The following GAB2 variants were observed in gnomAD, a reference collection of about 807,000 sequenced individuals.
The protein encoded by GAB2 is GRB2 associated binding protein 2, also known as GRB2-associated-binding protein 2.
Under a neutral mutation model 65.5 loss-of-function variants are expected in GAB2, and 26 were observed. The ratio of observed to expected loss-of-function variants is 0.40; its 90% CI spans 0.29 to 0.55. GAB2 has a LOEUF of 0.55. GAB2 is among the 20% of genes least tolerant of loss of function. The pLI is 0.53. For synonymous variants in GAB2, 321 were observed against 329.6 expected (o/e 0.97, Z 0.28); for missense variants, 884 against 875.8 (o/e 1.01, Z -0.12).
intron 1 of GAB2, among the ~76,000 whole-genome samples, chr11:78,308,546 A>AT (rs2134638600): frequency 6.6e-6 from 1 of 152,376 alleles, no homozygotes; most frequent in African/African-American, 2.4e-5. Flanking sequence ...TCAGATCAAG[A>AT]TTTTAAGAAA....
chr11:78,397,879 T>C (rs1030995743), intron 1 of GAB2, among the ~76,000 whole-genome samples: 4 of 152,204 alleles, frequency 2.6e-5, no homozygotes, highest in African/African-American at 7.2e-5. Context: ...CAATAAGTTA[T>C]AGTCTCTGTT....
chr11:78,367,818 T>C (rs888966163), intron 1 of GAB2, among the ~76,000 whole-genome samples: 8 of 147,466 alleles, frequency 5.4e-5, no homozygotes, highest in African/African-American at 2.0e-4. Context: ...TAATTTTCTT[T>C]TTCTTTTTTT....
chr11:78,340,948 G>C (rs140250124), intron 1 of GAB2, among the ~76,000 whole-genome samples: 1,812 of 152,252 alleles, frequency 0.012, 32 homozygotes, highest in Non-Finnish European at 0.013. Context: ...CTCATTTAAG[G>C]AACAGTAAAC....
At chr11:78,224,800 T>C (rs947870752) in intron 5 of GAB2, among the ~76,000 whole-genome samples, 9 of 152,060 alleles carry the variant, frequency 5.9e-5, no homozygotes, top group Admixed American at 3.3e-4. Context: ...GTGGGTAAGG[T>C]TGCTGTCTTA....
chr11:78,303,326 T>C (rs965119942), intron 1 of GAB2, among the ~76,000 whole-genome samples: 12 of 152,232 alleles, frequency 7.9e-5, no homozygotes. Context: ...GATATTTGTC[T>C]ATGACCCATG....
At chr11:78,390,015 G>C (rs1266584248) in intron 1 of GAB2, among the ~76,000 whole-genome samples, 1 of 152,170 alleles carries the variant, frequency 6.6e-6, no homozygotes. Context: ...AAATTCAGTA[G>C]TTCAGGACCA....
chr11:78,346,674 C>CATAT (rs71046967), intron 1 of GAB2, among the ~76,000 whole-genome samples: 46 of 54,864 alleles, frequency 8.4e-4, no homozygotes, highest in South Asian at 1.9e-3. Flanking sequence ...ACATCCCCTC[C>CATAT]ATATATATAT....
chr11:78,287,854 G>C (rs1052863041), intron 1 of GAB2, among the ~76,000 whole-genome samples: 13 of 149,726 alleles, frequency 8.7e-5, no homozygotes, highest in Non-Finnish European at 1.8e-4. Context: ...CACCACGTTG[G>C]CCAGGCTGGT....
chr11:78,226,458 T>A lies in GAB2; in HGVS notation c.1207+7A>T. The A allele has an allele frequency of 6.2e-7, 1 of 1,607,404 alleles. No individual in the cohort carries two copies. ...CCCTCTGAGTCTCAGCTAGGACTTA[T>A]ACTGACCTCGGTGAAGTCGGCTGTT... On this transcript the variant is annotated splice_region_variant and intron_variant, in intron 4 of 9. Coordinates refer to ENST00000361507, the MANE Select transcript of GAB2 (RefSeq NM_080491.3).
intron 1 of GAB2, among the ~76,000 whole-genome samples, chr11:78,356,857 G>A (rs1856365922): frequency 6.6e-6 from 1 of 152,200 alleles, no homozygotes. Context: ...CAATATGGAT[G>A]AATTTTGAAG....
chr11:78,289,624 T>C (rs1444411960), intron 1 of GAB2, among the ~76,000 whole-genome samples: 2 of 152,156 alleles, frequency 1.3e-5, no homozygotes, highest in East Asian at 3.9e-4. Flanking sequence ...ACTAGAAGAT[T>C]TTTTTGTAAG....
At chr11:78,330,805 T>G (rs112701441) in intron 1 of GAB2, among the ~76,000 whole-genome samples, 5,628 of 152,166 alleles carry the variant, frequency 0.037, 329 homozygotes, top group African/African-American at 0.13. Flanking sequence ...CGTATTTTCT[T>G]AATGGAACTG....
rs554170426 is a variant in GAB2, at chr11:78,264,175, AG to A, written c.377-13776del. On this transcript the variant is annotated intron_variant, in intron 2 of 9. Coordinates refer to ENST00000361507, the MANE Select transcript of GAB2 (RefSeq NM_080491.3). ...CAAACAAGCCTGCTGGGATCATGAC[AG>A]AGATTGGACTGAATCTACTGATTAA... Among the ~76,000 whole-genome samples the A allele has an allele frequency of 7.2e-4, 110 of 152,238 alleles. 1 individual carries two copies. Among genetic ancestry groups the A allele is most frequent in the Non-Finnish European group, 1.3e-3 (88 of 68,024 alleles).
chr11:78,301,331 T>TG (rs1162781334), intron 1 of GAB2, among the ~76,000 whole-genome samples: 2 of 118,456 alleles, frequency 1.7e-5, no homozygotes, highest in Admixed American at 1.7e-4. Flanking sequence ...TATCTTGTGG[T>TG]TTTTTGTTTT....
intron 1 of GAB2, among the ~76,000 whole-genome samples, chr11:78,285,355 G>C (rs1437901661): frequency 6.6e-6 from 1 of 152,220 alleles, no homozygotes; most frequent in Non-Finnish European, 1.5e-5. Context: ...AAGTGGTGTA[G>C]GCTGATAAAT....
At chr11:78,261,980 C>T (rs1865747167) in intron 2 of GAB2, among the ~76,000 whole-genome samples, 1 of 152,190 alleles carries the variant, frequency 6.6e-6, no homozygotes, top group Admixed American at 6.5e-5. Flanking sequence ...AAGAGATAAG[C>T]TTTTCCCTCC....
chr11:78,309,954 G>A (rs1262949877), intron 1 of GAB2, among the ~76,000 whole-genome samples: 1 of 147,530 alleles, frequency 6.8e-6, no homozygotes, highest in East Asian at 1.9e-4. Flanking sequence ...GTGTGTGTGT[G>A]TGTGTGTGTG....
In GAB2 at chr11:78,226,792, T is replaced by C; in HGVS notation, c.880A>G (p.Thr294Ala). 2 of 1,614,088 alleles carry C rather than the reference T, an allele frequency of 1.2e-6. No homozygotes were observed. The highest frequency in any genetic ancestry group is 1.7e-6 in the Non-Finnish European group (2 of 1,179,974). ...GSETDNEDVY[T>A]FKTPSNTLCR... is the part of the protein sequence containing the mutation. The stretch of plus-strand genomic sequence containing the variant: ...AGGGTGTTGCTGGGCGTCTTGAAGG[T>C]GTACACATCCTCATTATCTGTCTCG... Residue 294 changes from threonine to alanine, a missense_variant, in exon 4 of 10, where the codon ACC (threonine) becomes GCC (alanine). Physicochemically the swap from Thr to Ala is moderately conservative, Grantham distance 58. Coordinates refer to ENST00000361507, the MANE Select transcript of GAB2 (RefSeq NM_080491.3).
chr11:78,243,478 A>C (rs1316306838), intron 3 of GAB2, among the ~76,000 whole-genome samples: 1 of 151,938 alleles, frequency 6.6e-6, no homozygotes, highest in Non-Finnish European at 1.5e-5. Flanking sequence ...AAAATAGATA[A>C]AGGAATAAAA....
Sources: allele counts gnomAD v4.1 joint callset (sites outside exome capture counted in the v4.1 genomes callset), GRCh38; gene constraint gnomAD v4.1.1; transcripts MANE v1.5; gene names NCBI Gene and HGNC (gene_info 2026-07-23, HGNC 2026-07-21).